The following GRIA1 variants were observed in gnomAD, a reference collection of about 807,000 sequenced individuals.
The protein encoded by GRIA1 is glutamate ionotropic receptor AMPA type subunit 1.
A neutral mutation model predicts 99.2 loss-of-function variants in GRIA1; 31 were observed. The observed-to-expected ratio is 0.31, with a 90% CI of 0.23 to 0.42. The LOEUF is 0.42. Among genes scored for constraint, GRIA1 ranks in the 10% least tolerant of loss-of-function variants. GRIA1 has a pLI of 1.00. For synonymous variants in GRIA1, 438 were observed against 432.4 expected (o/e 1.01, Z -0.16); for missense variants, 782 against 1,157.5 (o/e 0.68, Z 4.71).
At chr5:153,619,474 T>C (rs1766824617) in intron 2 of GRIA1, among the ~76,000 whole-genome samples, 1 of 152,122 alleles carries the variant, frequency 6.6e-6, no homozygotes, top group Non-Finnish European at 1.5e-5. Context: ...AGATGGGCTC[T>C]GTGTCTACTG....
Position 153,490,685 on chromosome 5 carries a change from C to T in GRIA1, c.-204C>T, listed in dbSNP as rs1753831882. On this transcript the variant is annotated 5_prime_UTR_variant, in exon 1 of 16. Transcript: ENST00000285900. ...TCCCGTGCTCAGTTAATCTGGCTGT[C>T]AGTTGGTGTTAACGCTGCAGTTTAA... is the stretch of plus-strand genomic sequence containing the variant. 7.9e-6 allele frequency: 5 copies of T among 636,486 alleles called. No individual in the cohort carries two copies. Among genetic ancestry groups the T allele is most frequent in the Middle Eastern group, 3.0e-4 (1 of 3,386 alleles). The allele number at this position is 636,486 out of a possible 1,614,324, so 39.4% of individuals were successfully genotyped here.
intron 11 of GRIA1, among the ~76,000 whole-genome samples, chr5:153,713,321 G>T (rs1436424981): frequency 6.6e-6 from 1 of 152,200 alleles, no homozygotes; most frequent in African/African-American, 2.4e-5. Context: ...CTCTCCATTA[G>T]CAAGCAACAC....
At chr5:153,793,542 T>C (rs907992162) in intron 13 of GRIA1, among the ~76,000 whole-genome samples, 2 of 152,176 alleles carry the variant, frequency 1.3e-5, no homozygotes, top group Non-Finnish European at 2.9e-5. Context: ...CTAGGTTAGG[T>C]GTTGAAGGAT....
intron 1 of GRIA1, chr5:153,492,140 CT>C (rs764546765): frequency 2.1e-6 from 3 of 1,439,226 alleles, no homozygotes; most frequent in Non-Finnish European, 2.8e-6. Flanking sequence ...AGTTTGTGCT[CT>C]TTTGTGAGTG....
chr5:153,775,507 C>T (rs1382761417), intron 13 of GRIA1, among the ~76,000 whole-genome samples: 1 of 152,178 alleles, frequency 6.6e-6, no homozygotes, highest in Admixed American at 6.5e-5. Flanking sequence ...TACAGCTTCA[C>T]CCTGCAGCTT....
At chr5:153,495,615 C>A (rs768255144) in intron 2 of GRIA1, among the ~76,000 whole-genome samples, 1 of 152,144 alleles carries the variant, frequency 6.6e-6, no homozygotes, top group Non-Finnish European at 1.5e-5. Context: ...TTGCACAGGA[C>A]TGGTCCATTG....
intron 14 of GRIA1, among the ~76,000 whole-genome samples, chr5:153,798,688 C>CT (rs1261528681): frequency 1.3e-5 from 2 of 152,214 alleles, no homozygotes; most frequent in Non-Finnish European, 2.9e-5. Context: ...CTCCCTAGAG[C>CT]TTTCTGCTTA....
chr5:153,764,010 C>A (rs1763353741), intron 11 of GRIA1, among the ~76,000 whole-genome samples: 1 of 152,194 alleles, frequency 6.6e-6, no homozygotes, highest in Non-Finnish European at 1.5e-5. Flanking sequence ...CATGTCTAAA[C>A]CAATCAAATG....
At chr5:153,515,127 T>C (rs1756486997) in intron 2 of GRIA1, among the ~76,000 whole-genome samples, 1 of 152,202 alleles carries the variant, frequency 6.6e-6, no homozygotes, top group African/African-American at 2.4e-5. Context: ...GTTCTGGGTA[T>C]ATATCTAAAG....
intron 4 of GRIA1, among the ~76,000 whole-genome samples, chr5:153,651,117 A>G (rs569825593): frequency 1.4e-4 from 21 of 152,112 alleles, no homozygotes; most frequent in African/African-American, 4.6e-4. Flanking sequence ...ATTACATTCC[A>G]TTTTAGAGTT....
chr5:153,792,339 G>A (rs1204630175), intron 13 of GRIA1, among the ~76,000 whole-genome samples: 1 of 152,162 alleles, frequency 6.6e-6, no homozygotes, highest in African/African-American at 2.4e-5. Flanking sequence ...TGCCTGAGTG[G>A]AACAGTGAGG....
chr5:153,642,270 G>A (rs1254547876), intron 2 of GRIA1, among the ~76,000 whole-genome samples: 1 of 152,132 alleles, frequency 6.6e-6, no homozygotes, highest in Non-Finnish European at 1.5e-5. Flanking sequence ...CGTCAGACTG[G>A]TAGAGGTCAT....
chr5:153,735,643 C>T (rs1049760035), intron 11 of GRIA1, among the ~76,000 whole-genome samples: 4 of 152,042 alleles, frequency 2.6e-5, no homozygotes, highest in Admixed American at 2.0e-4. Context: ...GTGGTCTCCT[C>T]CCTTAATATT....
chr5:153,578,646 T>C (rs1044692813), intron 2 of GRIA1, among the ~76,000 whole-genome samples: 18 of 152,172 alleles, frequency 1.2e-4, no homozygotes, highest in African/African-American at 3.6e-4. Flanking sequence ...CGGTGGCTCA[T>C]GCCTGTAATC....
At chr5:153,542,548 T>A (rs1331612970) in intron 2 of GRIA1, among the ~76,000 whole-genome samples, 1 of 152,224 alleles carries the variant, frequency 6.6e-6, no homozygotes, top group East Asian at 1.9e-4. Flanking sequence ...ATCACTTTAC[T>A]AAGAGTAAGT....
In GRIA1 at chr5:153,794,722, G is replaced by C. The variant is rs1486420968; in HGVS notation, c.2372G>C (p.Gly791Ala). The change falls in exon 14 of 16, where the codon GGA becomes GCA. Residue 791 changes from glycine (G) to alanine (A), a missense_variant. By Grantham distance (60) the Gly-to-Ala change is moderately conservative. Around this residue, in one of 5 missense-constraint regions of GRIA1, gnomAD observed 119 missense variants for 326.6 expected, o/e 0.36. Coordinates refer to ENST00000285900, the MANE Select transcript of GRIA1 (RefSeq NM_000827.4). The part of the protein sequence containing the change: ...WYDKGECGSG[G>A]GDSKDKTSAL... ...GACAAGGGCGAGTGCGGCAGCGGGG[G>C]AGGTGATTCCAAGGTCAGCCCCAGT... 6.2e-7 allele frequency: 1 copy of C among 1,610,498 alleles called. No individual in the cohort carries two copies. The highest frequency in any genetic ancestry group is 1.3e-5 in the African/African-American group (1 of 74,888).
At position 153,699,049 on chromosome 5, in the gene GRIA1, C is replaced by G. The variant is rs1366015776; in HGVS notation, c.1428C>G (p.Gly476=). The part of the protein sequence containing the change: ...ARDPDTKAWN[G]MVGELVYGRA... ...ACCCTGACACGAAGGCCTGGAATGG[C>G]ATGGTGGGAGAGCTGGTCTATGGAG... The change falls in exon 10 of 16, where the codon GGC becomes GGG. Residue 476 remains glycine, a synonymous_variant. Transcript: ENST00000285900. 3 of 1,613,338 alleles carry G rather than the reference C, an allele frequency of 1.9e-6. No individual in the cohort carries two copies. In the Admixed American group the frequency reaches 5.0e-5, roughly 27 times the overall value.
intron 14 of GRIA1, among the ~76,000 whole-genome samples, chr5:153,795,802 A>T (rs1765606954): frequency 6.6e-6 from 1 of 152,062 alleles, no homozygotes; most frequent in Admixed American, 6.5e-5. Context: ...CCCCTTCAAA[A>T]GGCTCCATTA....
chr5:153,782,272 A>T (rs1456032734), intron 13 of GRIA1, among the ~76,000 whole-genome samples: 3 of 152,240 alleles, frequency 2.0e-5, no homozygotes, highest in Non-Finnish European at 2.9e-5. Context: ...TAAGTGGCAG[A>T]GCCAGAATTT....
Sources: allele counts gnomAD v4.1 joint callset (sites outside exome capture counted in the v4.1 genomes callset), GRCh38; gene constraint gnomAD v4.1.1; regional missense constraint gnomAD v4.1.1; transcripts MANE v1.5; gene names NCBI Gene and HGNC (gene_info 2026-07-23, HGNC 2026-07-21).